Variants in FAT1 observed in about 807,000 individuals in gnomAD.
The protein encoded by FAT1 is protocadherin Fat 1.
A neutral mutation model predicts 329.8 loss-of-function variants in FAT1; 171 were observed. The ratio of observed to expected loss-of-function variants is 0.52; its 90% CI spans 0.46 to 0.59. The LOEUF (loss-of-function observed/expected upper bound fraction) is 0.59, where lower values mean the gene tolerates loss of function less well. Among genes scored for constraint, FAT1 ranks in the 20% least tolerant of loss-of-function variants. The pLI is 0.00. For synonymous variants in FAT1, 2,233 were observed against 2,228.6 expected, an observed-to-expected ratio of 1.00 and a Z score of -0.06; for missense variants, 5,672 against 5,774.4, an observed-to-expected ratio of 0.98 and a Z score of 0.57.
intron 2 of FAT1, among the ~76,000 whole-genome samples, chr4:186,687,165 G>C (rs1743506432): frequency 6.6e-6 from 1 of 151,998 alleles, no homozygotes; most frequent in African/African-American, 2.4e-5. Flanking sequence ...CAAAAAGTTG[G>C]GTTATAAAAA....
At chr4:186,612,101 AC>A (rs1248596425) in intron 13 of FAT1, among the ~76,000 whole-genome samples, 5 of 145,840 alleles carry the variant, frequency 3.4e-5, no homozygotes, top group Non-Finnish European at 7.5e-5. Context: ...GAGCCACCGC[AC>A]CCGGCCAACG....
At chr4:186,591,849 G>A (rs948203973) in intron 26 of FAT1, among the ~76,000 whole-genome samples, 1 of 152,136 alleles carries the variant, frequency 6.6e-6, no homozygotes, top group East Asian at 1.9e-4. Context: ...ACAGCATCAT[G>A]TCCTAGCATA....
In FAT1 at chr4:186,619,277, G is replaced by A. The variant is rs772644340; in HGVS notation, c.7309C>T (p.His2437Tyr). ...CCTGTTGCACTGTCAATGACAAAAT[G>A]TTTATGATCATTGCCAGACAGAATG... ...YSILSGNDHK[H>Y]FVIDSATGII... The change falls in exon 10 of 27, where the codon CAT becomes TAT. Residue 2437 changes from histidine to tyrosine, a missense_variant. Physicochemically the swap from His to Tyr is moderately conservative, Grantham distance 83 (BLOSUM62 2). Around this residue, in one of 2 missense-constraint regions of FAT1, gnomAD observed 3,966 missense variants for 3,915.2 expected, o/e 1.01. Transcript: ENST00000441802. 6.2e-7 allele frequency: 1 copy of A among 1,613,990 alleles called. No individual in the cohort carries two copies. The highest frequency in any genetic ancestry group is 1.1e-5 in the South Asian group (1 of 91,078).
At position 186,636,525 on chromosome 4, in the gene FAT1, A is replaced by G. The variant is rs117401293; in HGVS notation, c.3972+60T>C. 8.2e-5 allele frequency: 121 copies of G among 1,475,866 alleles called. No individual in the cohort carries two copies. In the East Asian group the frequency reaches 2.3e-3, roughly 29 times the overall value. 91.4% of individuals were successfully genotyped at this position (1,475,866 alleles called of 1,614,324 possible). A position where few individuals can be genotyped will look rare whatever the true frequency, so the allele number is the denominator to read the frequency against. On this transcript the variant is annotated intron_variant, in intron 5 of 26. Transcript: ENST00000441802. Reference sequence around the variant, plus strand: ...GAAATAAAGTTACTAAAGAAAAAATACAAAATAAGGTTTATAGTCACAACA... The same window carrying G: ...GAAATAAAGTTACTAAAGAAAAAATGCAAAATAAGGTTTATAGTCACAACA...
chr4:186,634,902 G>A (rs1438044113), intron 6 of FAT1, among the ~76,000 whole-genome samples: 1 of 152,248 alleles, frequency 6.6e-6, no homozygotes, highest in African/African-American at 2.4e-5. Flanking sequence ...TACACAGCGA[G>A]GTCAGGTACT....
In FAT1 at chr4:186,712,481, C is replaced by T. The variant is rs531277834; in HGVS notation, c.-18-2636G>A. Among the ~76,000 whole-genome samples the T allele has an allele frequency of 2.6e-4, 39 of 152,116 alleles. 1 individual carries two copies. The highest frequency in any genetic ancestry group is 5.0e-4 in the Non-Finnish European group (34 of 67,994). On this transcript the variant is annotated intron_variant, in intron 1 of 26. Transcript: ENST00000441802. ...ACTATGTATCAGGTGCAGTTCTAGA[C>T]GCTGGGGATTCAAAAGTGAACCAAA...
At chr4:186,718,602 G>GC (rs543986129) in intron 1 of FAT1, among the ~76,000 whole-genome samples, 100 of 152,306 alleles carry the variant, frequency 6.6e-4, no homozygotes, top group African/African-American at 2.2e-3. Context: ...GGGAGGCGGA[G>GC]CTTGCAGTGA....
intron 3 of FAT1, among the ~76,000 whole-genome samples, chr4:186,658,476 G>A (rs1291586777): frequency 1.7e-4 from 26 of 152,138 alleles, no homozygotes; most frequent in Non-Finnish European, 1.5e-5. Context: ...AAAAGATATT[G>A]AGGAGATGTC....
In FAT1 at chr4:186,624,895, T is replaced by C. The variant is rs181570693; in HGVS notation, c.4811-3120A>G. The stretch of plus-strand genomic sequence containing the variant: ...ACCCCTTCCACAAAATTCTACTGCA[T>C]TTTAATGGTAGTGGTCTCCTACAAA... On this transcript the variant is annotated intron_variant, in intron 9 of 26. Transcript: ENST00000441802. Among the ~76,000 whole-genome samples, 35 of 152,358 alleles carry C rather than the reference T, an allele frequency of 2.3e-4. No homozygotes were observed. The East Asian group carries it at 6.2e-3, about 27-fold the overall frequency.
At chr4:186,643,867 A>T (rs1236522746) in intron 3 of FAT1, among the ~76,000 whole-genome samples, 1 of 147,080 alleles carries the variant, frequency 6.8e-6, no homozygotes, top group Non-Finnish European at 1.5e-5. Flanking sequence ...TACCCACTAC[A>T]TGTTATTAAC....
rs190089380 is a variant in FAT1, at chr4:186,645,422, T to A, written c.3581-5639A>T. Among the ~76,000 whole-genome samples the A allele has an allele frequency of 6.9e-3, 402 of 57,974 alleles. 21 individuals carry two copies. Among genetic ancestry groups the A allele is most frequent in the African/African-American group, 0.028 (382 of 13,416 alleles). 38.0% of individuals were successfully genotyped at this position (57,974 alleles called of 152,430 possible). ...ATATATATATATATATATATATATA[T>A]GCCTGTAAAAAACTGAGATATATCC... On this transcript the variant is annotated intron_variant, in intron 3 of 26. Transcript: ENST00000441802.
chr4:186,596,593 G>C lies in FAT1; in HGVS notation c.12947C>G (p.Ser4316Cys), dbSNP rs753154188. 4 of 1,613,106 alleles carry C rather than the reference G, an allele frequency of 2.5e-6. No individual in the cohort carries two copies. The highest frequency in any genetic ancestry group is 1.7e-4 in the Middle Eastern group (1 of 6,050). ...PNLPPPPPSN[S>C]PSDSDSIQKP... ...CTGGATGGAGTCGCTGTCAGAAGGG[G>C]AGTTTGAAGGGGGTGGGGGAGGCAG... Residue 4316 changes from serine to cysteine, a missense_variant, in exon 25 of 27, where the codon TCC becomes TGC. Ser to Cys is a moderately radical substitution (Grantham distance 112). Transcript: ENST00000441802. The surrounding 1 kb of genome is among the most constrained non-coding windows in gnomAD (Gnocchi z 4.7).
rs775177194 is a variant in FAT1, at chr4:186,628,674, T to C, written c.4413A>G (p.Pro1471=). The change falls in exon 8 of 27, where the codon CCA becomes CCG. Residue 1471 remains proline, a synonymous_variant. Transcript: ENST00000441802. ...YEVVIPEDTA[P]ETEILQISAV... The stretch of plus-strand genomic sequence containing the variant: ...CACTGATTTGCAAAATTTCTGTTTC[T>C]GGCGCTGTATCTTCAGGAATAACAA... 2 of 1,613,928 alleles carry C rather than the reference T, an allele frequency of 1.2e-6. No individual in the cohort carries two copies. The highest frequency in any genetic ancestry group is 1.7e-6 in the Non-Finnish European group (2 of 1,179,912).
At chr4:186,604,632 T>A (rs979477216) in intron 17 of FAT1, 58 bp from the exon 18 acceptor site, 3 of 1,144,040 alleles carry the variant, frequency 2.6e-6, no homozygotes, top group Non-Finnish European at 3.8e-6. Flanking sequence ...CAAATCTATA[T>A]GGGACAGACA....
intron 3 of FAT1, among the ~76,000 whole-genome samples, chr4:186,654,453 G>A (rs1179105246): frequency 6.6e-6 from 1 of 152,190 alleles, no homozygotes; most frequent in Non-Finnish European, 1.5e-5. Flanking sequence ...ATTAGGCTTT[G>A]CTGGTTTCCC....
intron 6 of FAT1, among the ~76,000 whole-genome samples, chr4:186,634,625 C>T (rs1157881081): frequency 3.3e-5 from 5 of 151,656 alleles, no homozygotes; most frequent in South Asian, 2.1e-4. Context: ...AAAAAAACAG[C>T]GATGGAAGAT....
chr4:186,705,706 A>G (rs1298035353), intron 2 of FAT1, among the ~76,000 whole-genome samples: 1 of 152,254 alleles, frequency 6.6e-6, no homozygotes, highest in Non-Finnish European at 1.5e-5. Context: ...TAACTACAAT[A>G]TCTGCGCAGC....
In FAT1 at chr4:186,589,201, T is replaced by G. The variant is rs201618936; in HGVS notation, c.13158A>C (p.Ser4386=). ...GCAGAGGAACGCTTGGCATCCAATCTGATGTATCCCAGTGATACCCTTGGT... is the reference window on the plus strand; with the variant it reads ...GCAGAGGAACGCTTGGCATCCAATCGGATGTATCCCAGTGATACCCTTGGT... ...CDDNGYHWDT[S]DWMPSVPLPD... Residue 4386 remains serine (S), a synonymous_variant, in exon 27 of 27, where the codon TCA becomes TCC. Coordinates refer to ENST00000441802, the MANE Select transcript of FAT1 (RefSeq NM_005245.4). 393 of 1,612,308 alleles carry G rather than the reference T, an allele frequency of 2.4e-4. No individual in the cohort carries two copies. Among genetic ancestry groups the G allele is most frequent in the Middle Eastern group, 1.2e-3 (7 of 6,044 alleles).
In FAT1 at chr4:186,594,759, C is replaced by T. The variant is rs141370961; in HGVS notation, c.13138+930G>A. Among the ~76,000 whole-genome samples the T allele has an allele frequency of 1.0e-2, 1,460 of 146,136 alleles. 29 individuals are homozygous for T. Among genetic ancestry groups the T allele is most frequent in the African/African-American group, 0.035 (1,384 of 39,524 alleles). ...CTATCTTTAGTTTGAAAAATGACTG[C>T]AATAGATAATGACTATATGGATTTA... On this transcript the variant is annotated intron_variant, in intron 26 of 26. Coordinates refer to ENST00000441802, the MANE Select transcript of FAT1 (RefSeq NM_005245.4).
Sources: allele counts gnomAD v4.1 joint callset (sites outside exome capture counted in the v4.1 genomes callset), GRCh38; gene constraint gnomAD v4.1.1; regional missense constraint gnomAD v4.1.1; non-coding constraint Gnocchi (gnomAD v3.1); transcripts MANE v1.5; gene names NCBI Gene and HGNC (gene_info 2026-07-23, HGNC 2026-07-21).